Variants in TNS3 observed in about 807,000 individuals in gnomAD.
The protein encoded by TNS3 is tensin-3.
TNS3 carries 45 observed loss-of-function variants against 140.9 expected under a neutral mutation model. That is an observed-to-expected ratio of 0.32 (90% confidence interval 0.25 to 0.41). TNS3 has a LOEUF of 0.41. Among genes scored for constraint, TNS3 ranks in the 10% least tolerant of loss-of-function variants. The pLI, the probability that TNS3 is intolerant of heterozygous loss-of-function variation, is 1.00. For missense variants in TNS3, 1,716 were observed against 1,906.7 expected (o/e 0.90, Z 1.86); for synonymous variants, 815 against 788.4 (o/e 1.03, Z -0.56).
chr7:47,388,913 G>GAGGGAA (rs1362940137), intron 16 of TNS3, among the ~76,000 whole-genome samples: 2 of 150,020 alleles, frequency 1.3e-5, no homozygotes, highest in African/African-American at 2.5e-5. Context: ...AAGAAGGGGA[G>GAGGGAA]AGGGAGAGGG....
At chr7:47,289,503 T>A (rs1231400971) in intron 27 of TNS3, among the ~76,000 whole-genome samples, 1 of 152,168 alleles carries the variant, frequency 6.6e-6, no homozygotes, top group Non-Finnish European at 1.5e-5. Flanking sequence ...CTGCATCTAA[T>A]GCTGCAAAAG....
chr7:47,470,596 C>T (rs774774374), intron 4 of TNS3: 1 of 985,440 alleles, frequency 1.0e-6, no homozygotes, highest in Non-Finnish European at 1.2e-6. Context: ...GCCCACCTGT[C>T]ACTTTAGGAA....
chr7:47,493,827 C>CAA (rs773516399), intron 3 of TNS3, among the ~76,000 whole-genome samples: 21 of 114,252 alleles, frequency 1.8e-4, no homozygotes, highest in Non-Finnish European at 3.4e-4. Context: ...GACTCCGTCT[C>CAA]AAAAAAAAAA....
chr7:47,299,059 C>G (rs1297977904), intron 23 of TNS3, among the ~76,000 whole-genome samples: 2 of 152,246 alleles, frequency 1.3e-5, no homozygotes, highest in Non-Finnish European at 2.9e-5. Context: ...GGGAATAAAC[C>G]CTGAATTCTG....
chr7:47,414,051 G>C, intron 11 of TNS3, 54 bp from the exon 12 acceptor site: 1 of 1,543,508 alleles, frequency 6.5e-7, no homozygotes. Flanking sequence ...GAACGAACAG[G>C]AATTTGGCAA....
intron 2 of TNS3, among the ~76,000 whole-genome samples, chr7:47,508,057 A>T (rs1463321043): frequency 2.0e-5 from 3 of 152,214 alleles, no homozygotes; most frequent in Non-Finnish European, 4.4e-5. Context: ...AGGCCTCAGA[A>T]GTCAGGGAGA....
chr7:47,296,828 C>T (rs1247400014), intron 24 of TNS3, among the ~76,000 whole-genome samples: 1 of 152,062 alleles, frequency 6.6e-6, no homozygotes, highest in Non-Finnish European at 1.5e-5. Flanking sequence ...TTAGTGGATG[C>T]CTTATCCCAT....
chr7:47,468,348 T>C (rs1796809418), intron 4 of TNS3, among the ~76,000 whole-genome samples: 2 of 152,042 alleles, frequency 1.3e-5, no homozygotes, highest in Non-Finnish European at 2.9e-5. Context: ...GGCTGAGGCA[T>C]GAGAATCACT....
intron 17 of TNS3, among the ~76,000 whole-genome samples, chr7:47,355,587 G>A (rs1393196134): frequency 6.6e-6 from 1 of 152,216 alleles, no homozygotes; most frequent in Non-Finnish European, 1.5e-5. Context: ...GCAGTCTGAA[G>A]TGCAGGAGAG....
chr7:47,510,021 C>T (rs10226500), intron 2 of TNS3, among the ~76,000 whole-genome samples: 2,939 of 152,276 alleles, frequency 0.019, 114 homozygotes, highest in African/African-American at 0.068. Flanking sequence ...GAACTGCATG[C>T]GTATTGCCAA....
At chr7:47,460,423 C>T (rs1057083672) in intron 4 of TNS3, among the ~76,000 whole-genome samples, 9 of 152,144 alleles carry the variant, frequency 5.9e-5, no homozygotes, top group African/African-American at 2.2e-4. Flanking sequence ...CTGCCCCGCA[C>T]GGTGGTGCTT....
rs1468089925 is a variant in TNS3 at position 47,303,020 on chromosome 7, G to A, written c.3387C>T (p.Thr1129=). 1.9e-6 allele frequency: 3 copies of A among 1,614,044 alleles called. No homozygotes were observed. The highest frequency in any genetic ancestry group is 8.5e-7 in the Non-Finnish European group (1 of 1,179,942). The part of the protein sequence containing the change: ...SGFSSPHSGS[T]ISIPFPNVLP... ...GGACATTTGGGAAGGGGATACTGAT[G>A]GTGCTCCCGCTGTGCGGGCTGGAGA... The change falls in exon 22 of 31, where the codon ACC becomes ACT. Residue 1129 remains threonine, a synonymous_variant. Coordinates refer to ENST00000311160, the MANE Select transcript of TNS3 (RefSeq NM_022748.12).
chr7:47,395,510 G>A (rs1352740822), intron 16 of TNS3, among the ~76,000 whole-genome samples: 1 of 152,224 alleles, frequency 6.6e-6, no homozygotes, highest in African/African-American at 2.4e-5. Flanking sequence ...TTTGATAACT[G>A]TTGTTTGATA....
intron 4 of TNS3, chr7:47,453,283 C>T: frequency 5.1e-6 from 5 of 983,316 alleles, no homozygotes; most frequent in Non-Finnish European, 6.0e-6. Context: ...GAACAGCGCT[C>T]TCCGGGAGAG....
intron 4 of TNS3, among the ~76,000 whole-genome samples, chr7:47,443,091 G>C (rs773694227): frequency 6.6e-6 from 1 of 151,972 alleles, no homozygotes; most frequent in Non-Finnish European, 1.5e-5. Flanking sequence ...ATCTAGGGGC[G>C]TGCTCTTCAG....
At chr7:47,437,508 T>C (rs910464417) in intron 6 of TNS3, among the ~76,000 whole-genome samples, 195 bp from the exon 7 acceptor site, 1 of 151,686 alleles carries the variant, frequency 6.6e-6, no homozygotes, top group Admixed American at 6.6e-5. Flanking sequence ...GAAAACACAT[T>C]GCATTTTTAC....
At chr7:47,429,437 G>A (rs1001923827) in intron 8 of TNS3, among the ~76,000 whole-genome samples, 2 of 151,896 alleles carry the variant, frequency 1.3e-5, no homozygotes, top group African/African-American at 2.4e-5. Context: ...GCACAATCTC[G>A]GCTCACTGTA....
intron 2 of TNS3, among the ~76,000 whole-genome samples, chr7:47,508,340 G>A (rs1016986379): frequency 6.6e-6 from 1 of 152,188 alleles, no homozygotes; most frequent in African/African-American, 2.4e-5. Context: ...TATTCACAAA[G>A]ACATGTATTT....
chr7:47,423,349 G>C (rs938355869), intron 10 of TNS3, among the ~76,000 whole-genome samples: 1 of 152,202 alleles, frequency 6.6e-6, no homozygotes, highest in Non-Finnish European at 1.5e-5. Context: ...ACCTGGATGG[G>C]GAGCCAGCTG....
Sources: gnomAD v4.1 joint callset for allele counts (sites outside exome capture counted in the v4.1 genomes callset) on GRCh38, gnomAD v4.1.1 for gene constraint, MANE v1.5 for transcripts, NCBI Gene and HGNC (gene_info 2026-07-23, HGNC 2026-07-21) for gene names.